Variants in RXFP2 observed in about 807,000 individuals in gnomAD.
The protein encoded by RXFP2 is relaxin receptor 2.
RXFP2 carries 68 observed loss-of-function variants against 88.6 expected under a neutral mutation model. That is an observed-to-expected ratio of 0.77 (90% confidence interval 0.63 to 0.94). The LOEUF (loss-of-function observed/expected upper bound fraction) is 0.94. Among genes scored for constraint, RXFP2 ranks in the 40% least tolerant of loss-of-function variants. RXFP2 has a pLI of 0.00. For synonymous variants in RXFP2, 329 were observed against 306.8 expected, an observed-to-expected ratio of 1.07 and a Z score of -0.76; for missense variants, 791 against 893.9, an observed-to-expected ratio of 0.88 and a Z score of 1.47.
intron 3 of RXFP2, among the ~76,000 whole-genome samples, chr13:31,762,218 G>A (rs114156436): frequency 0.016 from 2,502 of 152,300 alleles, 69 homozygotes; most frequent in African/African-American, 0.057. Context: ...ATTGCTAAAA[G>A]GGAGGAATAA....
intron 17 of RXFP2, 51 bp from the exon 18 acceptor site, chr13:31,802,095 A>G (rs1874372766): frequency 3.2e-6 from 5 of 1,566,620 alleles, no homozygotes; most frequent in Non-Finnish European, 4.4e-6. Flanking sequence ...TTTGTATTTT[A>G]TGTCTATTTA....
intron 11 of RXFP2, 103 bp downstream of exon 11, chr13:31,782,850 GT>G: frequency 1.3e-6 from 1 of 741,288 alleles, no homozygotes; most frequent in Non-Finnish European, 2.4e-6. Flanking sequence ...TCAAAATCCT[GT>G]AGACTATTGG....
intron 1 of RXFP2, among the ~76,000 whole-genome samples, chr13:31,745,586 T>C (rs754002275): frequency 5.9e-5 from 9 of 152,218 alleles, no homozygotes; most frequent in Non-Finnish European, 1.2e-4. Context: ...TGAACCCAGT[T>C]GCGATTGTTT....
intron 17 of RXFP2, among the ~76,000 whole-genome samples, chr13:31,800,520 C>T (rs752937183): frequency 6.6e-6 from 1 of 152,104 alleles, no homozygotes; most frequent in Non-Finnish European, 1.5e-5. Flanking sequence ...TGCAGTGAGC[C>T]GAGATCGTGC....
At chr13:31,759,385 GA>G (rs1331011560) in intron 2 of RXFP2, among the ~76,000 whole-genome samples, 1 of 132,500 alleles carries the variant, frequency 7.5e-6, no homozygotes, top group African/African-American at 2.8e-5. Context: ...GAGAAAGAAA[GA>G]AAGAAAGAAA....
At chr13:31,790,561 G>A (rs1192707562) in intron 14 of RXFP2, among the ~76,000 whole-genome samples, 2 of 152,160 alleles carry the variant, frequency 1.3e-5, no homozygotes, top group Non-Finnish European at 2.9e-5. Context: ...GTACCTACAC[G>A]TGCCAGGCAC....
chr13:31,764,205 C>T (rs1020465214), intron 3 of RXFP2, among the ~76,000 whole-genome samples: 1 of 151,696 alleles, frequency 6.6e-6, no homozygotes, highest in East Asian at 1.9e-4. Flanking sequence ...CTCAAAGCCT[C>T]GCTCTCTCTC....
chr13:31,757,926 T>C (rs1251682678), intron 1 of RXFP2, among the ~76,000 whole-genome samples: 3 of 152,040 alleles, frequency 2.0e-5, no homozygotes, highest in African/African-American at 7.3e-5. Context: ...ACCCCGTCTC[T>C]ACTAAAAATA....
At chr13:31,795,255 T>C (rs999379290) in intron 16 of RXFP2, among the ~76,000 whole-genome samples, 2 of 151,960 alleles carry the variant, frequency 1.3e-5, no homozygotes, top group African/African-American at 4.8e-5. Context: ...GTTCAAGTGA[T>C]TATTTCGCCT....
chr13:31,757,414 C>A (rs1872007790), intron 1 of RXFP2, among the ~76,000 whole-genome samples: 1 of 152,200 alleles, frequency 6.6e-6, no homozygotes, highest in African/African-American at 2.4e-5. Context: ...ACAATGATAA[C>A]CACTGTGTGA....
intron 10 of RXFP2, 141 bp downstream of exon 10, chr13:31,781,883 C>A: frequency 1.5e-6 from 1 of 665,796 alleles, no homozygotes. Flanking sequence ...AATGCACACA[C>A]TGATTTATTG....
chr13:31,769,879 CAT>C lies in RXFP2; in HGVS notation c.497+3854_497+3855del, dbSNP rs567863225. Among the ~76,000 whole-genome samples, 625 of 152,278 alleles carry C rather than the reference CAT, an allele frequency of 4.1e-3. 5 individuals carry two copies. The highest frequency in any genetic ancestry group is 0.015 in the African/African-American group (608 of 41,568). ...GTGAAGGTCTTTTTGTATTTTCCAT[CAT>C]AGTCACTACTCCTCTCATAATTATG... On this transcript the variant is annotated intron_variant, in intron 5 of 17. Coordinates refer to ENST00000298386, the MANE Select transcript of RXFP2 (RefSeq NM_130806.5).
At chr13:31,796,798 C>G (rs578120311) in intron 16 of RXFP2, among the ~76,000 whole-genome samples, 6 of 152,268 alleles carry the variant, frequency 3.9e-5, no homozygotes, top group Admixed American at 1.3e-4. Flanking sequence ...ACAGGTTAAG[C>G]ATTTGTAATT....
intron 1 of RXFP2, among the ~76,000 whole-genome samples, chr13:31,757,540 T>C (rs1013512163): frequency 3.3e-5 from 5 of 152,214 alleles, no homozygotes; most frequent in Non-Finnish European, 7.3e-5. Context: ...ACTTAAACTC[T>C]CCTTTTGCAG....
rs572049741 is a variant in RXFP2 at position 31,788,356 on chromosome 13, A to T, written c.1074-766A>T. Among the ~76,000 whole-genome samples, 4 of 152,316 alleles carry T rather than the reference A, an allele frequency of 2.6e-5. 1 individual carries two copies. The South Asian group carries it at 8.3e-4, about 32-fold the overall frequency. On this transcript the variant is annotated intron_variant, in intron 13 of 17. Coordinates refer to ENST00000298386, the MANE Select transcript of RXFP2 (RefSeq NM_130806.5). The stretch of plus-strand genomic sequence containing the variant: ...CAAGTGAGAATCAGACATATTTCAA[A>T]ATAAACATTAAAAGCAAAAGGCCTC...
intron 11 of RXFP2, among the ~76,000 whole-genome samples, chr13:31,783,149 C>A (rs74044224): frequency 2.0e-3 from 300 of 152,244 alleles, no homozygotes; most frequent in African/African-American, 6.8e-3. Context: ...AACAAAGGAA[C>A]AAATATGCTT....
At chr13:31,796,195 G>A (rs1313620408) in intron 16 of RXFP2, among the ~76,000 whole-genome samples, 2 of 149,010 alleles carry the variant, frequency 1.3e-5, no homozygotes, top group Admixed American at 6.6e-5. Flanking sequence ...GACTACAGGC[G>A]CCCGCCACCG....
intron 1 of RXFP2, among the ~76,000 whole-genome samples, chr13:31,745,168 TAA>T (rs774236947): frequency 2.8e-5 from 4 of 140,582 alleles, no homozygotes; most frequent in East Asian, 2.0e-4. Context: ...AGACTCCATC[TAA>T]AAAAAAAAAA....
At chr13:31,754,301 C>T (rs1427150860) in intron 1 of RXFP2, among the ~76,000 whole-genome samples, 6 of 152,276 alleles carry the variant, frequency 3.9e-5, no homozygotes, top group African/African-American at 9.6e-5. Context: ...GAGGCCGAAG[C>T]GGGTGGATCA....
Sources: allele counts gnomAD v4.1 joint callset (sites outside exome capture counted in the v4.1 genomes callset), GRCh38; gene constraint gnomAD v4.1.1; transcripts MANE v1.5; gene names NCBI Gene and HGNC (gene_info 2026-07-23, HGNC 2026-07-21).